Variants in FAM135B observed in about 807,000 individuals in gnomAD.
The protein encoded by FAM135B is protein FAM135B.
Under a neutral mutation model 127.7 loss-of-function variants are expected in FAM135B, and 43 were observed. The ratio of observed to expected loss-of-function variants is 0.34; its 90% CI spans 0.26 to 0.43. FAM135B has a LOEUF of 0.43. FAM135B is among the 20% of genes least tolerant of loss of function. The probability of loss-of-function intolerance (pLI) is 1.00; values close to 1 mark genes in which losing one functional copy is unlikely to be tolerated. For synonymous variants in FAM135B, 670 were observed against 665.1 expected (o/e 1.01, Z -0.11); for missense variants, 1,558 against 1,725.6 (o/e 0.90, Z 1.72).
At chr8:138,355,124 C>A (rs1830012165) in intron 2 of FAM135B, among the ~76,000 whole-genome samples, 1 of 152,090 alleles carries the variant, frequency 6.6e-6, no homozygotes, top group Non-Finnish European at 1.5e-5. Flanking sequence ...GTTGGTGGGA[C>A]TGTAAGCTAG....
At chr8:138,495,325 G>A (rs189324843) in intron 1 of FAM135B, among the ~76,000 whole-genome samples, 412 of 152,240 alleles carry the variant, frequency 2.7e-3, no homozygotes, top group African/African-American at 9.3e-3. Flanking sequence ...GAGGAAATCA[G>A]AGTTCAAATC....
At chr8:138,341,322 A>T (rs1231396752) in intron 2 of FAM135B, among the ~76,000 whole-genome samples, 2 of 152,206 alleles carry the variant, frequency 1.3e-5, no homozygotes, top group Non-Finnish European at 2.9e-5. Flanking sequence ...AGGATAAACA[A>T]ATACTGTATT....
intron 1 of FAM135B, among the ~76,000 whole-genome samples, chr8:138,430,931 C>T (rs560245684): frequency 3.3e-5 from 5 of 152,226 alleles, no homozygotes; most frequent in African/African-American, 7.2e-5. Flanking sequence ...AATACCACCA[C>T]GAAATTTCCC....
chr8:138,144,679 A>G (rs1817510404), intron 15 of FAM135B, among the ~76,000 whole-genome samples: 1 of 152,158 alleles, frequency 6.6e-6, no homozygotes, highest in African/African-American at 2.4e-5. Flanking sequence ...TGATGAGACA[A>G]CTTTCAAAAA....
intron 1 of FAM135B, among the ~76,000 whole-genome samples, chr8:138,432,089 C>T (rs1165813550): frequency 6.6e-6 from 1 of 152,130 alleles, no homozygotes; most frequent in Admixed American, 6.5e-5. Context: ...TGGGTGTAGG[C>T]TCCTTCTCCC....
In FAM135B at chr8:138,151,555, C is replaced by T. The variant is rs752239909; in HGVS notation, c.2920G>A (p.Ala974Thr). The part of the protein sequence containing the change: ...DDTAFNRGVN[A>T]FPEAKHKAGT... ...GCTTTATGTTTAGCCTCCGGGAAGGCATTCACTCCTCTATTAAATGCTGTG... is the reference window on the plus strand; with the variant it reads ...GCTTTATGTTTAGCCTCCGGGAAGGTATTCACTCCTCTATTAAATGCTGTG... Residue 974 changes from alanine (A) to threonine (T), a missense_variant, in exon 13 of 20, where the codon GCC (alanine) becomes ACC (threonine). By Grantham distance (58) the Ala-to-Thr change is moderately conservative. Transcript: ENST00000395297. The T allele has an allele frequency of 1.9e-6, 3 of 1,614,228 alleles. No individual in the cohort carries two copies. Among genetic ancestry groups the T allele is most frequent in the African/African-American group, 2.7e-5 (2 of 75,060 alleles).
intron 1 of FAM135B, among the ~76,000 whole-genome samples, chr8:138,407,593 A>C (rs1833596389): frequency 6.6e-6 from 1 of 152,212 alleles, no homozygotes; most frequent in Non-Finnish European, 1.5e-5. Context: ...GAGCCCTCAG[A>C]AATAATGCTG....
chr8:138,154,456 G>A (rs534431551), intron 12 of FAM135B, among the ~76,000 whole-genome samples: 155 of 152,212 alleles, frequency 1.0e-3, no homozygotes, highest in Middle Eastern at 3.4e-3. Context: ...AGGAGTTGAC[G>A]GAAGTACGCT....
chr8:138,359,291 T>A (rs1830270347), intron 2 of FAM135B, among the ~76,000 whole-genome samples: 1 of 152,168 alleles, frequency 6.6e-6, no homozygotes, highest in Non-Finnish European at 1.5e-5. Context: ...TGACTGTAAG[T>A]GATCAATATC....
At chr8:138,276,212 T>C (rs1025604962) in intron 3 of FAM135B, among the ~76,000 whole-genome samples, 1 of 152,170 alleles carries the variant, frequency 6.6e-6, no homozygotes, top group African/African-American at 2.4e-5. Context: ...AAGAGCCTTG[T>C]TGATGTGATT....
intron 1 of FAM135B, among the ~76,000 whole-genome samples, chr8:138,442,005 G>C (rs1228823158): frequency 6.6e-6 from 1 of 151,762 alleles, no homozygotes; most frequent in African/African-American, 2.4e-5. Context: ...GCAGATTGGT[G>C]TTAGTTGAAT....
intron 1 of FAM135B, among the ~76,000 whole-genome samples, chr8:138,376,293 T>C (rs1266581732): frequency 6.6e-6 from 1 of 152,132 alleles, no homozygotes. Flanking sequence ...TAGTTGTCAG[T>C]TCTCACTATC....
intron 1 of FAM135B, among the ~76,000 whole-genome samples, chr8:138,481,978 A>T (rs1414681382): frequency 1.3e-5 from 2 of 152,228 alleles, no homozygotes; most frequent in Non-Finnish European, 2.9e-5. Flanking sequence ...GGAGTTCACC[A>T]TCTGGAGAAG....
intron 9 of FAM135B, among the ~76,000 whole-genome samples, chr8:138,194,772 C>T (rs1364451120): frequency 6.6e-6 from 1 of 152,200 alleles, no homozygotes; most frequent in Non-Finnish European, 1.5e-5. Flanking sequence ...TAAATAGCAG[C>T]AGCATGCATT....
At chr8:138,329,905 A>G (rs1176579823) in intron 2 of FAM135B, among the ~76,000 whole-genome samples, 1 of 152,194 alleles carries the variant, frequency 6.6e-6, no homozygotes, top group Non-Finnish European at 1.5e-5. Flanking sequence ...AACGAATTGA[A>G]TAGAAGGGAG....
intron 2 of FAM135B, among the ~76,000 whole-genome samples, chr8:138,333,409 A>G (rs1226999812): frequency 6.6e-6 from 1 of 152,106 alleles, no homozygotes; most frequent in Non-Finnish European, 1.5e-5. Context: ...CAAATGCATC[A>G]TGCCCTTCCA....
chr8:138,177,241 C>A, intron 11 of FAM135B, 106 bp downstream of exon 11: 1 of 1,035,018 alleles, frequency 9.7e-7, no homozygotes, highest in South Asian at 1.6e-5. Flanking sequence ...CAGAGGTGGG[C>A]AGACTTCTCT....
At chr8:138,440,379 A>C (rs1401550651) in intron 1 of FAM135B, 1 of 151,854 alleles carries the variant, frequency 6.6e-6, no homozygotes, top group African/African-American at 2.4e-5. Context: ...GGAGGGAGAA[A>C]TGGGTGCAAG....
intron 3 of FAM135B, among the ~76,000 whole-genome samples, chr8:138,295,137 G>T (rs1482858439): frequency 1.2e-5 from 1 of 80,840 alleles, no homozygotes; most frequent in Non-Finnish European, 2.2e-5. Context: ...TTTTGGGTAG[G>T]AATCCCTTGC....
Sources: allele counts gnomAD v4.1 joint callset (sites outside exome capture counted in the v4.1 genomes callset), GRCh38; gene constraint gnomAD v4.1.1; transcripts MANE v1.5; gene names NCBI Gene and HGNC (gene_info 2026-07-23, HGNC 2026-07-21).